Variants in RTTN observed in about 807,000 individuals in gnomAD.
The protein encoded by RTTN is rotatin.
A neutral mutation model predicts 269.2 loss-of-function variants in RTTN; 182 were observed. The observed-to-expected ratio is 0.68, with a 90% CI of 0.60 to 0.76. The LOEUF (loss-of-function observed/expected upper bound fraction) is 0.76, where lower values mean the gene tolerates loss of function less well. RTTN is among the 30% of genes least tolerant of loss of function. The pLI is 0.00. For missense variants in RTTN, 2,545 were observed against 2,608.6 expected, an observed-to-expected ratio of 0.98 and a Z score of 0.53; for synonymous variants, 1,006 against 963.5, an observed-to-expected ratio of 1.04 and a Z score of -0.82.
intron 26 of RTTN, among the ~76,000 whole-genome samples, chr18:70,119,635 CTATT>C (rs2059686537): frequency 6.6e-6 from 1 of 152,160 alleles, no homozygotes; most frequent in Admixed American, 6.5e-5. Flanking sequence ...AATAAGTTAT[CTATT>C]TATAAAACCA....
At chr18:70,119,034 T>A (rs1455112806) in intron 26 of RTTN, among the ~76,000 whole-genome samples, 1 of 152,084 alleles carries the variant, frequency 6.6e-6, no homozygotes, top group East Asian at 1.9e-4. Flanking sequence ...GACAAGGATG[T>A]CTACTCTCAC....
chr18:70,084,071 T>G (rs1270991143), intron 32 of RTTN, among the ~76,000 whole-genome samples: 1 of 152,018 alleles, frequency 6.6e-6, no homozygotes, highest in Non-Finnish European at 1.5e-5. Context: ...TGACATGAAG[T>G]AGGAATTTAT....
At position 70,205,125 on chromosome 18, in the gene RTTN, T is replaced by C. The variant is rs1178087209; in HGVS notation, c.219+3A>G. The C allele has an allele frequency of 6.2e-7, 1 of 1,612,546 alleles. No homozygotes were observed. The highest frequency in any genetic ancestry group is 1.1e-5 in the South Asian group (1 of 90,912). ...TATTTTCTTTATTTCAAAATGACCC[T>C]ACCTTAACCAATCTGCTTAACAGGT... On this transcript the variant is annotated splice_donor_region_variant and intron_variant, in intron 2 of 48. Transcript: ENST00000640769.
intron 40 of RTTN, among the ~76,000 whole-genome samples, chr18:70,047,624 T>C (rs2057527647): frequency 6.6e-6 from 1 of 152,220 alleles, no homozygotes; most frequent in African/African-American, 2.4e-5. Flanking sequence ...CGTAGATATA[T>C]CTTTAAAATT....
intron 28 of RTTN, among the ~76,000 whole-genome samples, chr18:70,098,628 T>A (rs891773431): frequency 1.3e-5 from 2 of 152,162 alleles, no homozygotes; most frequent in Non-Finnish European, 2.9e-5. Flanking sequence ...ATATTTATAA[T>A]TAAAAAATGA....
intron 32 of RTTN, among the ~76,000 whole-genome samples, chr18:70,079,734 T>C (rs1477246806): frequency 6.6e-6 from 1 of 152,014 alleles, no homozygotes; most frequent in African/African-American, 2.4e-5. Flanking sequence ...ACAAATACAT[T>C]TACAAAGAAA....
In RTTN at chr18:70,151,215, T is replaced by C. The variant is rs149123108; in HGVS notation, c.1930-482A>G. On this transcript the variant is annotated intron_variant, in intron 14 of 48. Transcript: ENST00000640769. Reference sequence around the variant, plus strand: ...TTTTATATATAATATACCTATTATATATAATTTTTTATGCTACATATTTAT... The same window carrying C: ...TTTTATATATAATATACCTATTATACATAATTTTTTATGCTACATATTTAT... Among the ~76,000 whole-genome samples the C allele has an allele frequency of 3.4e-4, 51 of 148,080 alleles. 1 individual carries two copies. The East Asian group carries it at 9.1e-3, about 27-fold the overall frequency.
intron 30 of RTTN, among the ~76,000 whole-genome samples, chr18:70,090,921 T>C (rs1172505910): frequency 2.6e-5 from 4 of 152,232 alleles, no homozygotes; most frequent in Non-Finnish European, 4.4e-5. Flanking sequence ...TAACATCTAA[T>C]GAAATTTGCT....
At chr18:70,187,086 A>C (rs2061564234) in intron 10 of RTTN, among the ~76,000 whole-genome samples, 1 of 152,214 alleles carries the variant, frequency 6.6e-6, no homozygotes, top group Non-Finnish European at 1.5e-5. Context: ...CATTTATGAA[A>C]TAGCATAAGC....
intron 43 of RTTN, among the ~76,000 whole-genome samples, chr18:70,026,321 G>C (rs1401656244): frequency 6.6e-6 from 1 of 152,164 alleles, no homozygotes; most frequent in East Asian, 1.9e-4. Flanking sequence ...CAGTGCTAGA[G>C]GTGAGGCCTG....
At chr18:70,064,898 T>A (rs897621871) in intron 35 of RTTN, among the ~76,000 whole-genome samples, 8 of 152,182 alleles carry the variant, frequency 5.3e-5, no homozygotes, top group African/African-American at 1.9e-4. Flanking sequence ...TAGAGATAAA[T>A]GTTCATGAAA....
chr18:70,085,269 T>G (rs1175691599), intron 32 of RTTN, among the ~76,000 whole-genome samples: 3 of 152,188 alleles, frequency 2.0e-5, no homozygotes, highest in Non-Finnish European at 2.9e-5. Context: ...TAAGCAGCCA[T>G]TATCAGAAGG....
intron 40 of RTTN, among the ~76,000 whole-genome samples, chr18:70,046,297 C>T (rs2057490632): frequency 6.6e-6 from 1 of 151,954 alleles, no homozygotes. Flanking sequence ...CACCTATTGC[C>T]ATTTTGGCCT....
chr18:70,023,308 C>T (rs1320581830), intron 44 of RTTN, among the ~76,000 whole-genome samples: 2 of 152,152 alleles, frequency 1.3e-5, no homozygotes, highest in Non-Finnish European at 2.9e-5. Flanking sequence ...TTTGCAGATG[C>T]TAAATTTTAG....
At chr18:70,169,117 T>G (rs752747477) in intron 11 of RTTN, 50 bp from the exon 12 acceptor site, 17 of 1,393,702 alleles carry the variant, frequency 1.2e-5, no homozygotes, top group Non-Finnish European at 1.6e-5. Context: ...TAAAAAAAAC[T>G]TATTTTAGAG....
At chr18:70,047,942 A>T in intron 40 of RTTN, 29 bp downstream of exon 40, 1 of 1,557,744 alleles carries the variant, frequency 6.4e-7, no homozygotes, top group South Asian at 1.1e-5. Flanking sequence ...CGCTAAATAA[A>T]GTTTTTGAAA....
In RTTN at chr18:70,020,726, G is replaced by T. The variant is rs374028998; in HGVS notation, c.6042C>A (p.Ile2014=). 1.0e-4 allele frequency: 161 copies of T among 1,613,916 alleles called. No individual in the cohort carries two copies. Among genetic ancestry groups the T allele is most frequent in the Non-Finnish European group, 1.3e-4 (154 of 1,179,934 alleles). ...GTGGCATCTGGGAAGCCAACTTTAG[G>T]ATACACAGCATCAGAGAGTTGCTCA... is the stretch of plus-strand genomic sequence containing the variant. The part of the protein sequence containing the change: ...GAVSNSLMLC[I]LKLASQMPLE... Residue 2014 remains isoleucine, a synonymous_variant, in exon 45 of 49, where the codon ATC becomes ATA. Transcript: ENST00000640769.
intron 17 of RTTN, among the ~76,000 whole-genome samples, chr18:70,146,339 G>A (rs2060392530): frequency 6.6e-6 from 1 of 152,112 alleles, no homozygotes; most frequent in Admixed American, 6.6e-5. Context: ...GGGGAGGTGG[G>A]AGACCTTTCA....
At chr18:70,013,323 A>G (rs1299556205) in intron 46 of RTTN, among the ~76,000 whole-genome samples, 2 of 143,386 alleles carry the variant, frequency 1.4e-5, no homozygotes, top group East Asian at 3.9e-4. Flanking sequence ...AAGTAAGTTT[A>G]TAACTCCTTC....
Sources: gnomAD v4.1 joint callset for allele counts (sites outside exome capture counted in the v4.1 genomes callset) on GRCh38, gnomAD v4.1.1 for gene constraint, MANE v1.5 for transcripts, NCBI Gene and HGNC (gene_info 2026-07-23, HGNC 2026-07-21) for gene names.